Variants in SPACA7 observed in about 807,000 individuals in gnomAD.
SPACA7 encodes the protein sperm acrosome-associated protein 7.
SPACA7 carries 19 observed loss-of-function variants against 26.3 expected under a neutral mutation model. The ratio of observed to expected loss-of-function variants is 0.72; its 90% CI spans 0.50 to 1.06. The LOEUF (loss-of-function observed/expected upper bound fraction) is 1.06, where lower values mean the gene tolerates loss of function less well. SPACA7 is among the 50% of genes least tolerant of loss of function. The probability of loss-of-function intolerance (pLI) is 0.00; values close to 1 mark genes in which losing one functional copy is unlikely to be tolerated. For synonymous variants in SPACA7, 84 were observed against 84.5 expected (o/e 0.99, Z 0.04); for missense variants, 211 against 229.9 (o/e 0.92, Z 0.53).
intron 1 of SPACA7, among the ~76,000 whole-genome samples, chr13:112,389,696 G>A (rs2138900024): frequency 6.6e-6 from 1 of 152,254 alleles, no homozygotes; most frequent in East Asian, 1.9e-4. Flanking sequence ...CATACAGACA[G>A]ACACATGAAA....
intron 1 of SPACA7, chr13:112,382,553 A>T: frequency 1.3e-6 from 2 of 1,539,296 alleles, no homozygotes; most frequent in African/African-American, 1.4e-5. Flanking sequence ...CGACACATGC[A>T]GGCCTGGCTG....
chr13:112,418,882 G>A (rs186845607), intron 5 of SPACA7, among the ~76,000 whole-genome samples: 1 of 152,176 alleles, frequency 6.6e-6, no homozygotes, highest in Non-Finnish European at 1.5e-5. Flanking sequence ...GTCTAGCCAG[G>A]TGCAGTGGTG....
intron 5 of SPACA7, among the ~76,000 whole-genome samples, chr13:112,401,804 A>G (rs1220354706): frequency 6.6e-6 from 1 of 152,190 alleles, no homozygotes; most frequent in Non-Finnish European, 1.5e-5. Flanking sequence ...ATTTTTATGA[A>G]TGGCTACCCA....
rs961016124 is a variant in SPACA7 at position 112,414,308 on chromosome 13, G to A, written c.445+13144G>A. ...TTTTAATTATGTTTTTCAGCCCCAG[G>A]ATTTATTATTGTTATTATTGTTATT... On this transcript the variant is annotated intron_variant, in intron 5 of 6. Transcript: ENST00000283550. 7.5e-5 allele frequency among the ~76,000 whole-genome samples: 5 copies of A among 66,866 alleles called. No homozygotes were observed. The East Asian group carries it at 2.3e-3, about 31-fold the overall frequency. The allele number at this position is 66,866 out of a possible 152,430, so 43.9% of individuals were successfully genotyped here.
intron 1 of SPACA7, among the ~76,000 whole-genome samples, chr13:112,377,417 A>T (rs1883765518): frequency 6.6e-6 from 1 of 152,186 alleles, no homozygotes; most frequent in Non-Finnish European, 1.5e-5. Flanking sequence ...ATTATGGAAA[A>T]TTTCTAACTT....
chr13:112,381,992 C>T (rs1884102312), intron 1 of SPACA7, among the ~76,000 whole-genome samples: 1 of 152,132 alleles, frequency 6.6e-6, no homozygotes. Flanking sequence ...CTAATGTTAG[C>T]CCTACAAAAG....
At chr13:112,432,612 A>G in intron 6 of SPACA7, 91 bp downstream of exon 6, 3 of 984,452 alleles carry the variant, frequency 3.0e-6, no homozygotes, top group Non-Finnish European at 4.8e-6. Flanking sequence ...CTCCAGGGAG[A>G]GCAGGTGAGC....
At chr13:112,387,329 T>C (rs922678978) in intron 1 of SPACA7, among the ~76,000 whole-genome samples, 1 of 152,210 alleles carries the variant, frequency 6.6e-6, no homozygotes, top group Admixed American at 6.5e-5. Context: ...CAGTATTGGT[T>C]TCAGGGACCC....
intron 1 of SPACA7, chr13:112,382,625 TTAAG>T: frequency 7.6e-7 from 1 of 1,312,702 alleles, no homozygotes; most frequent in Non-Finnish European, 1.0e-6. Context: ...AGTACAGTAT[TTAAG>T]TAAACAGCAT....
Position 112,376,486 on chromosome 13 carries a change from C to T in SPACA7, c.94+7C>T. 1.2e-6 allele frequency: 2 copies of T among 1,610,932 alleles called. No homozygotes were observed. Among genetic ancestry groups the T allele is most frequent in the East Asian group, 2.2e-5 (1 of 44,702 alleles). ...CCGAGAACCGTGATTCCAGGTAGGG[C>T]CCCACAGGGATGTCTCAGCAGAAAG... On this transcript the variant is annotated splice_region_variant and intron_variant, in intron 1 of 6. Coordinates refer to ENST00000283550, the MANE Select transcript of SPACA7 (RefSeq NM_145248.5).
At chr13:112,398,279 C>A (rs1408110794) in intron 3 of SPACA7, 141 bp downstream of exon 3, 6 of 639,680 alleles carry the variant, frequency 9.4e-6, no homozygotes, top group South Asian at 1.9e-5. Context: ...GAGATGTGAA[C>A]AATATGGCAT....
At chr13:112,428,268 T>C (rs938127000) in intron 5 of SPACA7, among the ~76,000 whole-genome samples, 17 of 152,228 alleles carry the variant, frequency 1.1e-4, no homozygotes, top group African/African-American at 4.1e-4. Context: ...TCTTCTTTGA[T>C]CCATAGGTTG....
chr13:112,433,522 G>C (rs1386735045), intron 6 of SPACA7, among the ~76,000 whole-genome samples: 1 of 151,552 alleles, frequency 6.6e-6, no homozygotes, highest in African/African-American at 2.4e-5. Flanking sequence ...CATCCAGCCT[G>C]TTGGCTGCTG....
chr13:112,415,723 A>G (rs1056579196), intron 5 of SPACA7, among the ~76,000 whole-genome samples: 1 of 152,114 alleles, frequency 6.6e-6, no homozygotes, highest in Non-Finnish European at 1.5e-5. Flanking sequence ...CCAGTGCAGC[A>G]CCACAGGGTT....
intron 5 of SPACA7, among the ~76,000 whole-genome samples, chr13:112,403,838 G>T (rs1469632626): frequency 2.6e-5 from 4 of 152,090 alleles, no homozygotes; most frequent in Non-Finnish European, 5.9e-5. Context: ...TGGGCATTTG[G>T]GCTGATTCCA....
intron 4 of SPACA7, among the ~76,000 whole-genome samples, chr13:112,399,624 G>T (rs937826386): frequency 6.6e-6 from 1 of 152,196 alleles, no homozygotes; most frequent in Non-Finnish European, 1.5e-5. Flanking sequence ...GTGTGCAAAG[G>T]CTCAGAGGAT....
chr13:112,432,028 A>G (rs1877195296), intron 5 of SPACA7, among the ~76,000 whole-genome samples: 1 of 152,168 alleles, frequency 6.6e-6, no homozygotes, highest in South Asian at 2.1e-4. Context: ...GTGTCTGTAA[A>G]ACCTGTGTCC....
At chr13:112,416,738 A>G (rs1047620091) in intron 5 of SPACA7, among the ~76,000 whole-genome samples, 3 of 152,146 alleles carry the variant, frequency 2.0e-5, no homozygotes, top group African/African-American at 7.2e-5. Flanking sequence ...GTCAATACAT[A>G]TAGCATTTGC....
At position 112,420,985 on chromosome 13, in the gene SPACA7, T is replaced by C. The variant is rs559609733; in HGVS notation, c.446-11459T>C. ...GAATTCTATTCTCAGAGAAAATATC[T>C]TTTACATATGAAGACAAAAATAAGG... On this transcript the variant is annotated intron_variant, in intron 5 of 6. Coordinates refer to ENST00000283550, the MANE Select transcript of SPACA7 (RefSeq NM_145248.5). 2.5e-3 allele frequency among the ~76,000 whole-genome samples: 383 copies of C among 152,208 alleles called. 2 individuals carry two copies. The highest frequency in any genetic ancestry group is 7.9e-3 in the African/African-American group (328 of 41,560).
Sources: gnomAD v4.1 joint callset for allele counts (sites outside exome capture counted in the v4.1 genomes callset) on GRCh38, gnomAD v4.1.1 for gene constraint, MANE v1.5 for transcripts, NCBI Gene and HGNC (gene_info 2026-07-23, HGNC 2026-07-21) for gene names.